CLCC1: variants seen among roughly 807,000 people sequenced by gnomAD.
CLCC1 encodes the protein chloride channel CLIC like 1.
CLCC1 carries 39 observed loss-of-function variants against 63.3 expected under a neutral mutation model. The ratio of observed to expected loss-of-function variants is 0.62; its 90% confidence interval spans 0.48 to 0.81. CLCC1 has a LOEUF of 0.81. CLCC1 is among the 30% of genes least tolerant of loss of function. CLCC1 has a pLI of 0.00. For synonymous variants in CLCC1, 217 were observed against 239.8 expected (o/e 0.90, Z 0.88); for missense variants, 549 against 669.4 (o/e 0.82, Z 1.98).
chr1:108,940,473 G>A (rs1038024837), intron 8 of CLCC1, among the ~76,000 whole-genome samples: 6 of 152,278 alleles, frequency 3.9e-5, no homozygotes, highest in African/African-American at 1.4e-4. Flanking sequence ...AATAAGACTG[G>A]TGGATTGTAT....
intron 10 of CLCC1, among the ~76,000 whole-genome samples, chr1:108,939,194 TAA>T (rs1653444585): frequency 1.4e-5 from 2 of 138,716 alleles, no homozygotes; most frequent in South Asian, 4.4e-4. Context: ...TATATATATA[TAA>T]ATATAAATAT....
chr1:108,946,564 A>G (rs1654568537), intron 5 of CLCC1, among the ~76,000 whole-genome samples: 1 of 152,140 alleles, frequency 6.6e-6, no homozygotes, highest in Non-Finnish European at 1.5e-5. Flanking sequence ...AAGTTTTGCC[A>G]GCCTACACTG....
In CLCC1 at chr1:108,931,066, C is replaced by A; in HGVS notation, c.*1481G>T. 3.7e-6 allele frequency: 1 copy of A among 266,822 alleles called. No homozygotes were observed. Among genetic ancestry groups the A allele is most frequent in the Non-Finnish European group, 7.2e-6 (1 of 139,246 alleles). The allele number at this position is 266,822 out of a possible 1,614,324, so 16.5% of individuals were successfully genotyped here. A position where few individuals can be genotyped will look rare whatever the true frequency, so the allele number is the denominator to read the frequency against. Reference sequence around the variant, plus strand: ...GACCCTGTCTCTAGAAAACAAGTATCTTTTGTGTGTTTTGGGCTGTTTAAA... The same window carrying A: ...GACCCTGTCTCTAGAAAACAAGTATATTTTGTGTGTTTTGGGCTGTTTAAA... On this transcript the variant is annotated 3_prime_UTR_variant, in exon 13 of 13. Transcript: ENST00000369969.
In CLCC1 at chr1:108,929,799, C is replaced by T. The variant is rs987223472; in HGVS notation, c.*2748G>A. On this transcript the variant is annotated 3_prime_UTR_variant, in exon 13 of 13. Transcript: ENST00000369969. ...ACTTTTTCAGCCTTATTTTACGGTCCCAGGGAAAGAGAATGGATGAACAGA... is the reference window on the plus strand; with the variant it reads ...ACTTTTTCAGCCTTATTTTACGGTCTCAGGGAAAGAGAATGGATGAACAGA... 1 of 1,613,864 alleles carries T rather than the reference C, an allele frequency of 6.2e-7. No individual in the cohort carries two copies. Among genetic ancestry groups the T allele is most frequent in the East Asian group, 2.2e-5 (1 of 44,868 alleles).
At chr1:108,945,390 C>T (rs1654406768) in intron 5 of CLCC1, among the ~76,000 whole-genome samples, 1 of 152,078 alleles carries the variant, frequency 6.6e-6, no homozygotes, top group South Asian at 2.1e-4. Context: ...ACTAAATAGA[C>T]CACAAAAAAA....
chr1:108,951,766 C>CTTTT (rs34333498), intron 2 of CLCC1, among the ~76,000 whole-genome samples: 4 of 132,304 alleles, frequency 3.0e-5, no homozygotes, highest in African/African-American at 5.7e-5. Flanking sequence ...GAATTGTATA[C>CTTTT]TTTTTTTTTT....
intron 4 of CLCC1, among the ~76,000 whole-genome samples, chr1:108,949,373 T>C (rs560514832): frequency 6.6e-6 from 1 of 152,344 alleles, no homozygotes; most frequent in East Asian, 1.9e-4. Flanking sequence ...GAGGATTGGA[T>C]AAATGAAGGA....
chr1:108,962,249 A>C (rs1262658967), intron 2 of CLCC1, 60 bp downstream of exon 2: 2 of 152,252 alleles, frequency 1.3e-5, no homozygotes, highest in African/African-American at 4.8e-5. Flanking sequence ...AAATGGGCAC[A>C]AAAGAAAAAG....
At chr1:108,943,768 G>A (rs1654160775) in intron 6 of CLCC1, 68 bp downstream of exon 6, 2 of 1,445,116 alleles carry the variant, frequency 1.4e-6, no homozygotes, top group Non-Finnish European at 1.9e-6. Flanking sequence ...ACGTAATTAT[G>A]GTGGAGTTTG....
rs751611994 is a variant in CLCC1 at position 108,940,102 on chromosome 1, G to A, written c.837C>T (p.Cys279=). 5 of 1,613,406 alleles carry A rather than the reference G, an allele frequency of 3.1e-6. No individual in the cohort carries two copies. Among genetic ancestry groups the A allele is most frequent in the South Asian group, 2.2e-5 (2 of 91,030 alleles). The change falls in exon 9 of 13, where the codon TGC becomes TGT. Residue 279 remains cysteine (C), a synonymous_variant. Transcript: ENST00000369969. The part of the protein sequence containing the change: ...RSSWTYKDDP[C]QKYYELLLVN... ...CTAGTAAGAGCTCATAGTATTTTTG[G>A]CATGGGTCATCCTTATAGGTCCATG...
At chr1:108,939,195 A>G (rs924909546) in intron 10 of CLCC1, among the ~76,000 whole-genome samples, 4 of 146,674 alleles carry the variant, frequency 2.7e-5, no homozygotes, top group African/African-American at 9.9e-5. Flanking sequence ...ATATATATAT[A>G]AATATAAATA....
intron 7 of CLCC1, among the ~76,000 whole-genome samples, chr1:108,943,091 GTA>G (rs1654053591): frequency 6.6e-6 from 1 of 152,048 alleles, no homozygotes; most frequent in Non-Finnish European, 1.5e-5. Flanking sequence ...TGTATTTTTA[GTA>G]GAGACAGGGT....
chr1:108,963,310 C>CG (rs2101746448), intron 1 of CLCC1, 51 bp downstream of exon 1: 2 of 683,764 alleles, frequency 2.9e-6, no homozygotes. Context: ...GGCGTAACGG[C>CG]GGGTAACCCG....
intron 4 of CLCC1, 21 bp downstream of exon 4, chr1:108,949,799 T>A (rs774983413): frequency 8.0e-7 from 1 of 1,253,148 alleles, no homozygotes; most frequent in Non-Finnish European, 1.1e-6. Context: ...AAATATAAAA[T>A]TTATCAATAA....
chr1:108,937,465 T>A, intron 10 of CLCC1, 47 bp from the exon 11 acceptor site: 1 of 1,442,898 alleles, frequency 6.9e-7, no homozygotes, highest in Non-Finnish European at 9.3e-7. Context: ...ATGGCTAACT[T>A]ACAAAAGTTA....
intron 5 of CLCC1, among the ~76,000 whole-genome samples, chr1:108,946,765 T>C (rs1334265492): frequency 6.6e-6 from 1 of 152,236 alleles, no homozygotes; most frequent in Non-Finnish European, 1.5e-5. Flanking sequence ...TTATTAAATT[T>C]ATGTTTTCTT....
In CLCC1 at chr1:108,929,749, A is replaced by G; in HGVS notation, c.*2798T>C. The G allele has an allele frequency of 6.2e-7, 1 of 1,613,390 alleles. No individual in the cohort carries two copies. Among genetic ancestry groups the G allele is most frequent in the South Asian group, 1.1e-5 (1 of 91,054 alleles). ...ATGTGCTCCACCACCTGCTACCACA[A>G]AGGGTCCGACAGTACCAGATGAAGA... On this transcript the variant is annotated 3_prime_UTR_variant, in exon 13 of 13. Coordinates refer to ENST00000369969, the MANE Select transcript of CLCC1 (RefSeq NM_001377458.1).
At chr1:108,957,335 A>G (rs1656049178) in intron 2 of CLCC1, among the ~76,000 whole-genome samples, 1 of 151,328 alleles carries the variant, frequency 6.6e-6, no homozygotes, top group Non-Finnish European at 1.5e-5. Context: ...TATGCACCAC[A>G]TCCAAGTCTG....
intron 2 of CLCC1, among the ~76,000 whole-genome samples, chr1:108,953,060 T>C (rs1460501201): frequency 6.6e-6 from 1 of 152,150 alleles, no homozygotes; most frequent in African/African-American, 2.4e-5. Context: ...TTGGACAGGG[T>C]GGATACAGAA....
Sources: gnomAD v4.1 joint callset for allele counts (sites outside exome capture counted in the v4.1 genomes callset) on GRCh38, gnomAD v4.1.1 for gene constraint, MANE v1.5 for transcripts, NCBI Gene and HGNC (gene_info 2026-07-23, HGNC 2026-07-21) for gene names.